The following ITGA9 variants were observed in gnomAD, a reference collection of about 807,000 sequenced individuals.
ITGA9 encodes the protein integrin subunit alpha 9.
ITGA9 carries 56 observed loss-of-function variants against 127.8 expected under a neutral mutation model. The observed-to-expected ratio is 0.44, with a 90% CI of 0.35 to 0.55. ITGA9 has a LOEUF of 0.55. Ranked by LOEUF, ITGA9 falls within the 20% of genes least tolerant of loss-of-function variation. ITGA9 has a pLI of 0.00. For synonymous variants in ITGA9, 508 were observed against 514.5 expected (o/e 0.99, Z 0.17); for missense variants, 1,196 against 1,347.1 (o/e 0.89, Z 1.76).
chr3:37,500,140 A>G (rs1374072017), intron 5 of ITGA9, among the ~76,000 whole-genome samples: 1 of 152,204 alleles, frequency 6.6e-6, no homozygotes, highest in Non-Finnish European at 1.5e-5. Flanking sequence ...GCCAGGAGAA[A>G]AAGTCTCTCC....
intron 15 of ITGA9, among the ~76,000 whole-genome samples, chr3:37,584,686 C>T (rs1294658419): frequency 6.6e-6 from 1 of 152,042 alleles, no homozygotes; most frequent in Non-Finnish European, 1.5e-5. Context: ...ACTCGGGAGA[C>T]GGAGGTTGCA....
chr3:37,601,936 G>T (rs1341131632), intron 15 of ITGA9, among the ~76,000 whole-genome samples: 4 of 152,210 alleles, frequency 2.6e-5, no homozygotes, highest in African/African-American at 9.6e-5. Context: ...AGGAGAAGGG[G>T]AGCCATCGTG....
intron 4 of ITGA9, among the ~76,000 whole-genome samples, chr3:37,493,890 G>A (rs1698698235): frequency 1.3e-5 from 2 of 152,348 alleles, no homozygotes; most frequent in East Asian, 3.9e-4. Flanking sequence ...TTGGGTAGCA[G>A]TGTTGTGAGC....
chr3:37,580,460 T>G (rs1221146359), intron 15 of ITGA9, among the ~76,000 whole-genome samples: 4 of 152,186 alleles, frequency 2.6e-5, no homozygotes, highest in African/African-American at 4.8e-5. Flanking sequence ...CGCTAAGTCT[T>G]GGGAGAGGTG....
intron 1 of ITGA9, among the ~76,000 whole-genome samples, chr3:37,458,682 A>G (rs1433297712): frequency 1.3e-5 from 2 of 152,172 alleles, no homozygotes; most frequent in Non-Finnish European, 2.9e-5. Flanking sequence ...GGAGGGTGTG[A>G]GATGTGCTCC....
intron 11 of ITGA9, among the ~76,000 whole-genome samples, chr3:37,519,765 G>A (rs938625952): frequency 2.0e-5 from 3 of 152,210 alleles, no homozygotes; most frequent in Non-Finnish European, 2.9e-5. Flanking sequence ...ACAGACTGTC[G>A]TCCCAGCTGG....
chr3:37,577,276 A>G (rs903753159), intron 15 of ITGA9, among the ~76,000 whole-genome samples: 1 of 152,254 alleles, frequency 6.6e-6, no homozygotes, highest in Non-Finnish European at 1.5e-5. Context: ...TTGGGTGGGA[A>G]TGCCTTGAGC....
At chr3:37,730,081 G>A (rs534222735) in intron 18 of ITGA9, among the ~76,000 whole-genome samples, 5 of 152,312 alleles carry the variant, frequency 3.3e-5, no homozygotes, top group Admixed American at 6.5e-5. Context: ...TCCCAGTGAG[G>A]TATTGGGCAT....
chr3:37,807,772 G>C (rs1324858067), intron 27 of ITGA9: 1 of 152,412 alleles, frequency 6.6e-6, no homozygotes, highest in Non-Finnish European at 1.5e-5. Context: ...GACAGTGTGG[G>C]GGCAAGAGTA....
chr3:37,461,866 G>A (rs1320085213), intron 1 of ITGA9, among the ~76,000 whole-genome samples: 1 of 152,150 alleles, frequency 6.6e-6, no homozygotes, highest in Non-Finnish European at 1.5e-5. Flanking sequence ...GGAGCAGATG[G>A]GAGGCCACCC....
chr3:37,679,727 G>A (rs1700717367), intron 17 of ITGA9, among the ~76,000 whole-genome samples: 2 of 152,124 alleles, frequency 1.3e-5, no homozygotes, highest in Admixed American at 1.3e-4. Context: ...ACATTCCACG[G>A]TGCTTAGTTA....
intron 15 of ITGA9, among the ~76,000 whole-genome samples, chr3:37,584,366 A>G (rs147104042): frequency 1.3e-5 from 2 of 152,290 alleles, no homozygotes; most frequent in Admixed American, 1.3e-4. Flanking sequence ...ATGAGGCCCA[A>G]TCCATCAGTA....
Position 37,628,877 on chromosome 3 carries a change from G to A in ITGA9, c.1690-310G>A, listed in dbSNP as rs150556200. Among the ~76,000 whole-genome samples, 379 of 152,274 alleles carry A rather than the reference G, an allele frequency of 2.5e-3. 1 individual carries two copies. The highest frequency in any genetic ancestry group is 8.6e-3 in the African/African-American group (356 of 41,546). ...CAGATGTTCTCCCATTTGCCAACTG[G>A]TTTCTAAGAATATTTGGAGGATGAG... On this transcript the variant is annotated intron_variant, in intron 15 of 27. Transcript: ENST00000264741.
chr3:37,574,664 T>C (rs995184522), intron 15 of ITGA9, among the ~76,000 whole-genome samples: 1 of 152,250 alleles, frequency 6.6e-6, no homozygotes, highest in African/African-American at 2.4e-5. Flanking sequence ...CTTTGGAAAG[T>C]TCCTTGCCGT....
In ITGA9 at chr3:37,506,014, G is replaced by T; in HGVS notation, c.757G>T (p.Ala253Ser). The T allele has an allele frequency of 6.2e-7, 1 of 1,606,792 alleles. No homozygotes were observed. The change falls in exon 7 of 28, where the codon GCT (alanine) becomes TCT (serine). Residue 253 changes from alanine to serine, a missense_variant. By Grantham distance (99) the Ala-to-Ser change is moderately conservative. Transcript: ENST00000264741. Reference protein sequence around the residue: ...RYTYLGYAVTAGHFSHPSTID... With the variant: ...RYTYLGYAVTSGHFSHPSTID... ...ATCCTGTTCAGGCTACGCAGTGACC[G>T]CTGGCCACTTCTCTCACCCGTCCAC...
intron 17 of ITGA9, among the ~76,000 whole-genome samples, chr3:37,681,745 T>A (rs1429612136): frequency 6.6e-6 from 1 of 152,150 alleles, no homozygotes; most frequent in African/African-American, 2.4e-5. Flanking sequence ...ATCTTCATCC[T>A]TGTCATCTTC....
At chr3:37,593,544 G>T (rs1017828114) in intron 15 of ITGA9, among the ~76,000 whole-genome samples, 3 of 152,204 alleles carry the variant, frequency 2.0e-5, no homozygotes, top group African/African-American at 7.2e-5. Flanking sequence ...TTCGTGCTAT[G>T]TCCTCACATG....
At chr3:37,520,691 CA>C (rs1194026783) in intron 11 of ITGA9, among the ~76,000 whole-genome samples, 1 of 152,202 alleles carries the variant, frequency 6.6e-6, no homozygotes, top group Non-Finnish European at 1.5e-5. Flanking sequence ...ATTCAGCCCA[CA>C]AGGCAGGAGG....
At chr3:37,475,347 G>T (rs1410431709) in intron 3 of ITGA9, among the ~76,000 whole-genome samples, 1 of 152,224 alleles carries the variant, frequency 6.6e-6, no homozygotes, top group Non-Finnish European at 1.5e-5. Context: ...GTCAGAGTTT[G>T]CTCCTGTGAA....
Sources: gnomAD v4.1 joint callset for allele counts (sites outside exome capture counted in the v4.1 genomes callset) on GRCh38, gnomAD v4.1.1 for gene constraint, MANE v1.5 for transcripts, NCBI Gene and HGNC (gene_info 2026-07-23, HGNC 2026-07-21) for gene names.